The following ZC2HC1A variants were observed in gnomAD, a reference collection of about 807,000 sequenced individuals.
The protein encoded by ZC2HC1A is zinc finger C2HC-type containing 1A.
ZC2HC1A carries 28 observed loss-of-function variants against 40.7 expected under a neutral mutation model. The ratio of observed to expected loss-of-function variants is 0.69; its 90% CI spans 0.51 to 0.94. ZC2HC1A has a LOEUF of 0.94. Ranked by LOEUF, ZC2HC1A falls within the 40% of genes least tolerant of loss-of-function variation. The pLI is 0.00. For missense variants in ZC2HC1A, 389 were observed against 386.3 expected (o/e 1.01, Z -0.06); for synonymous variants, 129 against 129.2 (o/e 1.00, Z 0.01).
At chr8:78,704,171 C>T (rs1222212090) in intron 7 of ZC2HC1A, among the ~76,000 whole-genome samples, 2 of 152,040 alleles carry the variant, frequency 1.3e-5, no homozygotes, top group South Asian at 2.1e-4. Context: ...CACCTGAGGT[C>T]AGGAGTTCAA....
chr8:78,668,224 A>G (rs1187524464), intron 1 of ZC2HC1A, among the ~76,000 whole-genome samples: 2 of 152,226 alleles, frequency 1.3e-5, no homozygotes, highest in South Asian at 2.1e-4. Flanking sequence ...TCTTAAGGTT[A>G]CCGTTCATTA....
intron 8 of ZC2HC1A, among the ~76,000 whole-genome samples, chr8:78,715,912 C>A (rs1811085607): frequency 6.6e-6 from 1 of 151,278 alleles, no homozygotes; most frequent in African/African-American, 2.4e-5. Context: ...TGGTGTTGCA[C>A]ACCTGTAATC....
intron 1 of ZC2HC1A, among the ~76,000 whole-genome samples, chr8:78,668,628 A>G (rs1809366518): frequency 6.6e-6 from 1 of 152,190 alleles, no homozygotes; most frequent in Admixed American, 6.5e-5. Context: ...TAGATGAGGT[A>G]TTAGGCTCAA....
intron 7 of ZC2HC1A, among the ~76,000 whole-genome samples, chr8:78,708,683 CTT>C (rs1192881506): frequency 6.6e-5 from 8 of 120,978 alleles, no homozygotes; most frequent in Admixed American, 8.4e-5. Flanking sequence ...TTTTTTTTTT[CTT>C]TTTTTTTTTT....
chr8:78,673,233 A>T (rs1027234398), intron 1 of ZC2HC1A, among the ~76,000 whole-genome samples: 1 of 152,154 alleles, frequency 6.6e-6, no homozygotes, highest in Non-Finnish European at 1.5e-5. Flanking sequence ...TGTCCCTGCA[A>T]AGGACATGAA....
intron 2 of ZC2HC1A, 130 bp downstream of exon 2, chr8:78,675,993 A>G: frequency 1.5e-6 from 1 of 649,072 alleles, no homozygotes; most frequent in Non-Finnish European, 2.5e-6. Context: ...TTCTTTGTTC[A>G]AGGGTCTTGA....
chr8:78,704,794 C>G (rs965818316), intron 7 of ZC2HC1A, among the ~76,000 whole-genome samples: 1 of 152,096 alleles, frequency 6.6e-6, no homozygotes, highest in African/African-American at 2.4e-5. Flanking sequence ...TTTGTTCATT[C>G]CTTTTCATCC....
In ZC2HC1A at chr8:78,686,455, A is replaced by G. The variant is rs1563625717; in HGVS notation, c.211-12A>G. 7.3e-7 allele frequency: 1 copy of G among 1,367,316 alleles called. No individual in the cohort carries two copies. The highest frequency in any genetic ancestry group is 1.9e-5 in the South Asian group (1 of 51,982). The allele number at this position is 1,367,316 out of a possible 1,614,324, so 84.7% of individuals were successfully genotyped here. On this transcript the variant is annotated splice_polypyrimidine_tract_variant and intron_variant, in intron 3 of 8. Transcript: ENST00000263849. The stretch of plus-strand genomic sequence containing the variant: ...TGTTTATTTATTTATTTATTTATTT[A>G]TTTATTTATAGCCAGAACCACCAAA...
chr8:78,695,979 T>A (rs1430297571), intron 5 of ZC2HC1A, among the ~76,000 whole-genome samples: 1 of 152,200 alleles, frequency 6.6e-6, no homozygotes, highest in Non-Finnish European at 1.5e-5. Context: ...AATTTTATAT[T>A]GATTATTGGT....
At chr8:78,704,959 G>A (rs1280996490) in intron 7 of ZC2HC1A, among the ~76,000 whole-genome samples, 1 of 152,152 alleles carries the variant, frequency 6.6e-6, no homozygotes, top group African/African-American at 2.4e-5. Context: ...GGTTGGTTAT[G>A]TTCTTCTCTA....
At chr8:78,714,802 CA>C (rs1811048482) in intron 7 of ZC2HC1A, among the ~76,000 whole-genome samples, 1 of 151,996 alleles carries the variant, frequency 6.6e-6, no homozygotes, top group South Asian at 2.1e-4. Flanking sequence ...ATGTGACTAG[CA>C]AAAAAATTCT....
intron 7 of ZC2HC1A, among the ~76,000 whole-genome samples, chr8:78,702,443 G>C (rs1035285943): frequency 4.6e-5 from 7 of 151,916 alleles, no homozygotes; most frequent in African/African-American, 1.5e-4. Flanking sequence ...TCTTTTGAAT[G>C]GTTTTTCATG....
chr8:78,695,575 G>A (rs1023090883), intron 5 of ZC2HC1A, among the ~76,000 whole-genome samples: 6 of 151,972 alleles, frequency 3.9e-5, no homozygotes, highest in African/African-American at 4.8e-5. Flanking sequence ...CATAACTCTC[G>A]TAGTTTAACA....
At chr8:78,709,418 C>T (rs917220027) in intron 7 of ZC2HC1A, among the ~76,000 whole-genome samples, 15 of 152,056 alleles carry the variant, frequency 9.9e-5, no homozygotes, top group Non-Finnish European at 1.8e-4. Flanking sequence ...TTTTTATGAA[C>T]TTATCTTTTA....
intron 5 of ZC2HC1A, 136 bp from the exon 6 acceptor site, chr8:78,697,271 A>G (rs1462900446): frequency 1.5e-6 from 1 of 650,154 alleles, no homozygotes; most frequent in Non-Finnish European, 2.5e-6. Flanking sequence ...AACCATCATC[A>G]CCATTCATTT....
intron 7 of ZC2HC1A, among the ~76,000 whole-genome samples, chr8:78,700,957 A>G (rs1186473383): frequency 6.6e-6 from 1 of 152,162 alleles, no homozygotes; most frequent in Non-Finnish European, 1.5e-5. Flanking sequence ...TTTGCTTAGA[A>G]TTACCTTGGC....
At chr8:78,672,262 C>A (rs1016516875) in intron 1 of ZC2HC1A, among the ~76,000 whole-genome samples, 1 of 152,020 alleles carries the variant, frequency 6.6e-6, no homozygotes, top group African/African-American at 2.4e-5. Context: ...TATCCAGGCA[C>A]ATGATGATTA....
intron 7 of ZC2HC1A, among the ~76,000 whole-genome samples, chr8:78,702,782 T>G (rs1810647598): frequency 6.6e-6 from 1 of 152,230 alleles, no homozygotes; most frequent in South Asian, 2.1e-4. Flanking sequence ...AGTTAATTTC[T>G]TAATCTTGAT....
chr8:78,685,437 A>G (rs1809938276), intron 3 of ZC2HC1A, among the ~76,000 whole-genome samples: 1 of 152,192 alleles, frequency 6.6e-6, no homozygotes, highest in Non-Finnish European at 1.5e-5. Flanking sequence ...AGAGGCCATA[A>G]AAGATCAGTA....
Sources: allele counts gnomAD v4.1 joint callset (sites outside exome capture counted in the v4.1 genomes callset), GRCh38; gene constraint gnomAD v4.1.1; transcripts MANE v1.5; gene names NCBI Gene and HGNC (gene_info 2026-07-23, HGNC 2026-07-21).